The following TRIM33 variants were observed in gnomAD, a reference collection of about 807,000 sequenced individuals.
TRIM33 encodes the protein E3 ubiquitin-protein ligase TRIM33.
Under a neutral mutation model 125.4 loss-of-function variants are expected in TRIM33, and 20 were observed. That is an observed-to-expected ratio of 0.16 (90% CI 0.11 to 0.23). The LOEUF is 0.23. TRIM33 is among the 10% of genes least tolerant of loss of function. The pLI, the probability that TRIM33 is intolerant of heterozygous loss-of-function variation, is 1.00. For missense variants in TRIM33, 920 were observed against 1,411.4 expected (o/e 0.65, Z 5.58); for synonymous variants, 564 against 513.9 (o/e 1.10, Z -1.32).
chr1:114,472,700 G>T (rs566071069), intron 1 of TRIM33, among the ~76,000 whole-genome samples: 1 of 152,280 alleles, frequency 6.6e-6, no homozygotes, highest in East Asian at 1.9e-4. Context: ...CTGGGGGACA[G>T]TGAGAGCCTG....
intron 4 of TRIM33, among the ~76,000 whole-genome samples, chr1:114,434,666 TTA>T (rs947101952): frequency 1.3e-5 from 2 of 152,230 alleles, no homozygotes; most frequent in Non-Finnish European, 2.9e-5. Flanking sequence ...CAAATATTAT[TTA>T]GTTTTTTTCT....
chr1:114,414,223 T>G (rs1347924254), intron 11 of TRIM33, among the ~76,000 whole-genome samples: 1 of 152,176 alleles, frequency 6.6e-6, no homozygotes, highest in African/African-American at 2.4e-5. Context: ...ACAATGGTTT[T>G]ATATGGCTCA....
intron 1 of TRIM33, 39 bp from the exon 2 acceptor site, chr1:114,464,427 G>A: frequency 1.6e-6 from 2 of 1,228,850 alleles, no homozygotes; most frequent in Non-Finnish European, 1.2e-6. Flanking sequence ...ATATTCTTCA[G>A]GAATAAAGAA....
intron 1 of TRIM33, among the ~76,000 whole-genome samples, chr1:114,504,714 GTAAT>G (rs1652898352): frequency 6.6e-6 from 1 of 152,104 alleles, no homozygotes; most frequent in African/African-American, 2.4e-5. Context: ...AAAAGTAAAA[GTAAT>G]TAAAGTCCCC....
rs370854342 is a variant in TRIM33 at position 114,415,671 on chromosome 1, C to T, written c.2062-5355G>A. Among the ~76,000 whole-genome samples the T allele has an allele frequency of 1.2e-3, 187 of 152,266 alleles. 5 individuals carry two copies. In the South Asian group the frequency reaches 0.038, roughly 31 times the overall value. ...CCCTGTTTAGAAAACTGTCACCCGG[C>T]CAGGTGCAGTGGCTCACGCCTGTAA... On this transcript the variant is annotated intron_variant, in intron 11 of 19. Transcript: ENST00000358465.
Position 114,492,536 on chromosome 1 carries a change from G to A in TRIM33, c.526+18015C>T, listed in dbSNP as rs564344842. ...AAACTATATCCATTAAGCAACAATC[G>A]CCCATTCCTCCCCCACTCCCATCCT... is the stretch of plus-strand genomic sequence containing the variant. On this transcript the variant is annotated intron_variant, in intron 1 of 19. Coordinates refer to ENST00000358465, the MANE Select transcript of TRIM33 (RefSeq NM_015906.4). 2.6e-5 allele frequency among the ~76,000 whole-genome samples: 4 copies of A among 151,838 alleles called. No individual in the cohort carries two copies. The East Asian group carries it at 7.8e-4, about 30-fold the overall frequency.
At chr1:114,428,774 G>C (rs192931084) in intron 6 of TRIM33, among the ~76,000 whole-genome samples, 1 of 152,092 alleles carries the variant, frequency 6.6e-6, no homozygotes, top group Non-Finnish European at 1.5e-5. Context: ...TATTACACTA[G>C]AAAACATCTA....
intron 4 of TRIM33, among the ~76,000 whole-genome samples, chr1:114,455,415 G>GC (rs1649562831): frequency 1.3e-5 from 2 of 152,096 alleles, no homozygotes; most frequent in Non-Finnish European, 2.9e-5. Flanking sequence ...GATTGAGGGG[G>GC]CCCCTTTTGC....
Position 114,401,482 on chromosome 1 carries a change from G to A in TRIM33, c.2893-19C>T, listed in dbSNP as rs1209723523. ...CACATTTCTGGCCCAAACAAGGAAA[G>A]GAAAGCACATGAAATATTTTTCTCC... On this transcript the variant is annotated intron_variant, in intron 16 of 19. Transcript: ENST00000358465. The A allele has an allele frequency of 6.3e-7, 1 of 1,599,694 alleles. No homozygotes were observed.
chr1:114,427,994 A>T (rs1355228566), intron 6 of TRIM33, 100 bp from the exon 7 acceptor site: 1 of 1,254,338 alleles, frequency 8.0e-7, no homozygotes, highest in African/African-American at 1.5e-5. Flanking sequence ...TTCCTTTAAA[A>T]ATGGGCTAAG....
intron 8 of TRIM33, 36 bp downstream of exon 8, chr1:114,427,141 T>A: frequency 9.6e-7 from 1 of 1,039,796 alleles, no homozygotes; most frequent in Non-Finnish European, 1.4e-6. Context: ...TAATTCAGTG[T>A]TCCAAGTTAT....
chr1:114,410,247 G>T lies in TRIM33; in HGVS notation c.2131C>A (p.Pro711Thr). Residue 711 changes from proline (P) to threonine (T), a missense_variant, in exon 12 of 20, where the codon CCA (proline) becomes ACA (threonine). Around this residue, in one of 8 missense-constraint regions of TRIM33, gnomAD observed 407 missense variants for 589.7 expected, o/e 0.69. Coordinates refer to ENST00000358465, the MANE Select transcript of TRIM33 (RefSeq NM_015906.4). ...SRYISGSHLP[P>T]QPTSTMNPSP... is the part of the protein sequence containing the mutation. ...GGATTCATGGTGCTTGTAGGCTGTG[G>T]GGGTAGGTGACTGCCTGAGATGTAT... is the stretch of plus-strand genomic sequence containing the variant. 1 of 1,613,946 alleles carries T rather than the reference G, an allele frequency of 6.2e-7. No homozygotes were observed. The highest frequency in any genetic ancestry group is 8.5e-7 in the Non-Finnish European group (1 of 1,179,948).
At chr1:114,510,353 C>T (rs984202058) in intron 1 of TRIM33, among the ~76,000 whole-genome samples, 198 bp downstream of exon 1, 1 of 152,176 alleles carries the variant, frequency 6.6e-6, no homozygotes, top group Non-Finnish European at 1.5e-5. Context: ...GCAGCCGGCA[C>T]CCCTCCCTTC....
At chr1:114,458,468 A>T (rs764634784) in intron 4 of TRIM33, among the ~76,000 whole-genome samples, 1 of 152,082 alleles carries the variant, frequency 6.6e-6, no homozygotes, top group East Asian at 1.9e-4. Context: ...TGGTCCTGTG[A>T]CCCCTACTCA....
chr1:114,480,533 A>G (rs1234899505), intron 1 of TRIM33, among the ~76,000 whole-genome samples: 1 of 151,484 alleles, frequency 6.6e-6, no homozygotes, highest in African/African-American at 2.4e-5. Context: ...AAAAAAAAAA[A>G]AAAGAGAGAT....
In TRIM33 at chr1:114,397,589, GTT is replaced by G. The variant is rs66490349; in HGVS notation, c.*57_*58del. ...CTTAAAAGTTTTCTGGGTTTTTTGTGTTTTTTTTTTTTTTTTCGTTTTTTTTT... is the reference window on the plus strand; with the variant it reads ...CTTAAAAGTTTTCTGGGTTTTTTGTGTTTTTTTTTTTTTTCGTTTTTTTTT... On this transcript the variant is annotated 3_prime_UTR_variant, in exon 20 of 20. Coordinates refer to ENST00000358465, the MANE Select transcript of TRIM33 (RefSeq NM_015906.4). The G allele has an allele frequency of 2.7e-3, 1,747 of 637,804 alleles. 6 individuals are homozygous for G. Among genetic ancestry groups the G allele is most frequent in the East Asian group, 0.018 (474 of 25,724 alleles). The allele number at this position is 637,804 out of a possible 1,614,324, so 39.5% of individuals were successfully genotyped here.
At chr1:114,497,386 TC>T in intron 1 of TRIM33, among the ~76,000 whole-genome samples, 1 of 152,276 alleles carries the variant, frequency 6.6e-6, no homozygotes, top group South Asian at 2.1e-4. Flanking sequence ...AACCTCTGCC[TC>T]CCGGGTTCAA....
chr1:114,464,445 A>G (rs1650169108), intron 1 of TRIM33, 57 bp from the exon 2 acceptor site: 1 of 974,830 alleles, frequency 1.0e-6, no homozygotes, highest in Non-Finnish European at 1.5e-6. Flanking sequence ...GAAATTGTGC[A>G]TGATGTCCAT....
intron 11 of TRIM33, among the ~76,000 whole-genome samples, chr1:114,415,035 C>T (rs949029608): frequency 7.8e-5 from 10 of 128,140 alleles, no homozygotes; most frequent in Non-Finnish European, 1.1e-4. Context: ...CACTCTGTTG[C>T]CCAGGCTGGA....
Sources: gnomAD v4.1 joint callset for allele counts (sites outside exome capture counted in the v4.1 genomes callset) on GRCh38, gnomAD v4.1.1 for gene constraint, gnomAD v4.1.1 regional missense constraint, MANE v1.5 for transcripts, NCBI Gene and HGNC (gene_info 2026-07-23, HGNC 2026-07-21) for gene names.